SLC24A2: variants seen among roughly 807,000 people sequenced by gnomAD.
The protein encoded by SLC24A2 is sodium/potassium/calcium exchanger 2.
In SLC24A2, 36 loss-of-function variants were observed where a neutral mutation model predicts 62.0. The observed-to-expected ratio is 0.58, with a 90% CI of 0.44 to 0.77. SLC24A2 has a LOEUF of 0.77. SLC24A2 is among the 30% of genes least tolerant of loss of function. SLC24A2 has a pLI of 0.00. For missense variants in SLC24A2, 846 were observed against 817.9 expected (o/e 1.03, Z -0.42); for synonymous variants, 358 against 294.0 (o/e 1.22, Z -2.23).
chr9:19,705,982 T>C (rs1820503309), intron 2 of SLC24A2, among the ~76,000 whole-genome samples: 1 of 151,974 alleles, frequency 6.6e-6, no homozygotes, highest in African/African-American at 2.4e-5. Context: ...AATTCCTGGG[T>C]ATCCTTGTTA....
chr9:19,892,223 T>C, the SLC24A2 span, among the ~76,000 whole-genome samples: 2 of 152,226 alleles, frequency 1.3e-5, no homozygotes, highest in Non-Finnish European at 2.9e-5. Flanking sequence ...CTAAACAACC[T>C]GCTTTCTCAG....
intron 2 of SLC24A2, among the ~76,000 whole-genome samples, chr9:19,642,362 T>C (rs1206463576): frequency 6.6e-6 from 1 of 152,164 alleles, no homozygotes; most frequent in Non-Finnish European, 1.5e-5. Context: ...TGCCCAGTCA[T>C]CAGTCTGGCA....
At chr9:19,822,697 G>A in the SLC24A2 span, among the ~76,000 whole-genome samples, 2 of 152,142 alleles carry the variant, frequency 1.3e-5, no homozygotes, top group African/African-American at 4.8e-5. Flanking sequence ...CGATGTGATT[G>A]CATAGGCTAA....
chr9:19,776,562 C>T (rs149646052), intron 2 of SLC24A2, among the ~76,000 whole-genome samples: 237 of 152,214 alleles, frequency 1.6e-3, no homozygotes, highest in African/African-American at 4.5e-3. Context: ...AATGCTGAGG[C>T]GGTCTAGCGT....
chr9:19,921,609 C>G, the SLC24A2 span, among the ~76,000 whole-genome samples: 1 of 151,842 alleles, frequency 6.6e-6, no homozygotes, highest in Admixed American at 6.6e-5. Context: ...AAATAAACCT[C>G]ATTTTTCATG....
At chr9:20,260,904 G>A in the SLC24A2 span, among the ~76,000 whole-genome samples, 1 of 139,328 alleles carries the variant, frequency 7.2e-6, no homozygotes, top group Non-Finnish European at 1.5e-5. Flanking sequence ...TGCCCAGGCT[G>A]GAGTGCAGTG....
chr9:19,824,952 T>C, the SLC24A2 span, among the ~76,000 whole-genome samples: 77 of 151,970 alleles, frequency 5.1e-4, no homozygotes, highest in Non-Finnish European at 9.9e-4. Context: ...TTCTCACTCA[T>C]AAGTGGGAGT....
chr9:20,079,650 G>A, the SLC24A2 span, among the ~76,000 whole-genome samples: 1 of 152,180 alleles, frequency 6.6e-6, no homozygotes, highest in Admixed American at 6.5e-5. Context: ...GGCAAGCACA[G>A]TATGTCTGTG....
At chr9:20,049,329 A>T in the SLC24A2 span, among the ~76,000 whole-genome samples, 1 of 152,190 alleles carries the variant, frequency 6.6e-6, no homozygotes, top group Admixed American at 6.5e-5. Flanking sequence ...CACTCCACTG[A>T]GTGAGCGCAT....
the SLC24A2 span, among the ~76,000 whole-genome samples, chr9:19,897,367 G>A: frequency 6.6e-6 from 1 of 151,612 alleles, no homozygotes; most frequent in Non-Finnish European, 1.5e-5. Flanking sequence ...AAAATTCCTT[G>A]CCTATGAAAG....
At chr9:19,671,620 C>G (rs1173447158) in intron 2 of SLC24A2, among the ~76,000 whole-genome samples, 3 of 152,138 alleles carry the variant, frequency 2.0e-5, no homozygotes, top group Non-Finnish European at 4.4e-5. Flanking sequence ...AGTGGGCATC[C>G]TTGTCTTGTT....
intron 7 of SLC24A2, among the ~76,000 whole-genome samples, chr9:19,557,215 T>C (rs1000258538): frequency 2.0e-5 from 3 of 152,222 alleles, no homozygotes; most frequent in African/African-American, 7.2e-5. Flanking sequence ...CATCCAGTTA[T>C]ACCAGGATTC....
chr9:20,029,833 T>A, the SLC24A2 span, among the ~76,000 whole-genome samples: 11 of 152,164 alleles, frequency 7.2e-5, no homozygotes, highest in South Asian at 1.5e-3. Context: ...TCTGTGTGTG[T>A]GTATGTGTGT....
At chr9:19,905,605 G>C in the SLC24A2 span, among the ~76,000 whole-genome samples, 2 of 151,870 alleles carry the variant, frequency 1.3e-5, no homozygotes, top group Non-Finnish European at 2.9e-5. Flanking sequence ...TAGAGACGGG[G>C]TTTCTCCATG....
the SLC24A2 span, among the ~76,000 whole-genome samples, chr9:20,285,345 G>T: frequency 6.6e-6 from 1 of 152,200 alleles, no homozygotes; most frequent in Non-Finnish European, 1.5e-5. Flanking sequence ...ATGAAGGTTG[G>T]CAAGACATTG....
At chr9:19,964,839 G>A in the SLC24A2 span, among the ~76,000 whole-genome samples, 3 of 152,210 alleles carry the variant, frequency 2.0e-5, no homozygotes, top group Non-Finnish European at 4.4e-5. Context: ...CAGGTCAAGT[G>A]TGTGTTTAGC....
At chr9:20,019,875 G>GAA in the SLC24A2 span, among the ~76,000 whole-genome samples, 10 of 121,546 alleles carry the variant, frequency 8.2e-5, no homozygotes, top group African/African-American at 1.5e-4. Context: ...AAATTTACCA[G>GAA]AAAAAAAAAA....
the SLC24A2 span, among the ~76,000 whole-genome samples, chr9:19,990,922 G>GTGTATATATATAT: frequency 8.3e-6 from 1 of 120,812 alleles, no homozygotes. Flanking sequence ...GGACTAATAG[G>GTGTATATATATAT]ATATATATAT....
chr9:20,087,678 A>G, the SLC24A2 span, among the ~76,000 whole-genome samples: 1 of 152,190 alleles, frequency 6.6e-6, no homozygotes, highest in Non-Finnish European at 1.5e-5. Flanking sequence ...ATCAAAACAG[A>G]TGTGTTGGAG....
Sources: gnomAD v4.1 joint callset for allele counts (sites outside exome capture counted in the v4.1 genomes callset) on GRCh38, gnomAD v4.1.1 for gene constraint, MANE v1.5 for transcripts, NCBI Gene and HGNC (gene_info 2026-07-23, HGNC 2026-07-21) for gene names.